SNX29: variants seen among roughly 807,000 people sequenced by gnomAD.
SNX29 encodes sorting nexin 29.
SNX29 carries 78 observed loss-of-function variants against 102.1 expected under a neutral mutation model. The observed-to-expected ratio is 0.76, with a 90% CI of 0.64 to 0.92. The LOEUF (loss-of-function observed/expected upper bound fraction) is 0.92. Among genes scored for constraint, SNX29 ranks in the 40% least tolerant of loss-of-function variants. The probability of loss-of-function intolerance (pLI) is 0.00; values close to 1 mark genes in which losing one functional copy is unlikely to be tolerated. For missense variants in SNX29, 1,280 were observed against 1,061.7 expected (o/e 1.21, Z -2.86); for synonymous variants, 580 against 414.5 (o/e 1.40, Z -4.85).
At chr16:12,488,659 G>C (rs1567615350) in intron 19 of SNX29, among the ~76,000 whole-genome samples, 1 of 152,132 alleles carries the variant, frequency 6.6e-6, no homozygotes, top group Non-Finnish European at 1.5e-5. Flanking sequence ...TCACTTCCAG[G>C]ACACTGTCAT....
chr16:12,154,575 G>A (rs1447126777), intron 13 of SNX29, among the ~76,000 whole-genome samples: 1 of 152,192 alleles, frequency 6.6e-6, no homozygotes, highest in East Asian at 1.9e-4. Flanking sequence ...TCATCCTCAG[G>A]CCTGAACTCT....
At position 12,572,734 on chromosome 16, in the gene SNX29, G is replaced by C; in HGVS notation, c.*4105G>C. The C allele has an allele frequency of 9.4e-7, 1 of 1,064,014 alleles. No individual in the cohort carries two copies. 65.9% of individuals were successfully genotyped at this position (1,064,014 alleles called of 1,614,324 possible). ...GCCTTGGCACAGAACTGATGGCAAA[G>C]GAAGGGCTGGGTTTTCAGCTTCTGG... On this transcript the variant is annotated 3_prime_UTR_variant, in exon 21 of 21. Transcript: ENST00000566228.
chr16:12,204,728 A>G (rs2077002739), intron 14 of SNX29, among the ~76,000 whole-genome samples: 1 of 152,244 alleles, frequency 6.6e-6, no homozygotes, highest in African/African-American at 2.4e-5. Context: ...AAAATTGGGA[A>G]GTCATCAGCC....
intron 20 of SNX29, among the ~76,000 whole-genome samples, chr16:12,538,193 G>T (rs569563144): frequency 6.6e-6 from 1 of 152,056 alleles, no homozygotes; most frequent in Non-Finnish European, 1.5e-5. Context: ...TAGGCTCACC[G>T]CAAGCTCTGT....
chr16:12,389,458 TCTC>T (rs1256441467), intron 16 of SNX29, among the ~76,000 whole-genome samples: 2 of 152,058 alleles, frequency 1.3e-5, no homozygotes, highest in Non-Finnish European at 2.9e-5. Flanking sequence ...TGGCTCTCAT[TCTC>T]CTGCCTGCCA....
At chr16:12,351,379 G>C (rs2081988300) in intron 15 of SNX29, among the ~76,000 whole-genome samples, 1 of 146,454 alleles carries the variant, frequency 6.8e-6, no homozygotes, top group Non-Finnish European at 1.5e-5. Context: ...CAGATTCTAA[G>C]GCATCGAAGT....
Position 12,569,458 on chromosome 16 carries a change from G to C in SNX29, c.*829G>C. On this transcript the variant is annotated 3_prime_UTR_variant, in exon 21 of 21. Transcript: ENST00000566228. ...AAAGTAGCATTGGCCCTACAGTCATGAGAGACTTGGGTCAGGGAACCACTG... is the reference window on the plus strand; with the variant it reads ...AAAGTAGCATTGGCCCTACAGTCATCAGAGACTTGGGTCAGGGAACCACTG... The C allele has an allele frequency of 4.3e-6, 1 of 231,340 alleles. No individual in the cohort carries two copies. The highest frequency in any genetic ancestry group is 8.6e-6 in the Non-Finnish European group (1 of 116,876). The allele number at this position is 231,340 out of a possible 1,614,324, so 14.3% of individuals were successfully genotyped here. A position where few individuals can be genotyped will look rare whatever the true frequency, so the allele number is the denominator to read the frequency against.
chr16:12,537,020 C>T (rs190333196), intron 20 of SNX29, among the ~76,000 whole-genome samples: 316 of 152,128 alleles, frequency 2.1e-3, no homozygotes, highest in African/African-American at 5.4e-3. Flanking sequence ...GCATGGGGGC[C>T]GGGGGAGCAC....
intron 16 of SNX29, among the ~76,000 whole-genome samples, chr16:12,365,622 G>C (rs895966074): frequency 6.6e-6 from 1 of 151,538 alleles, no homozygotes; most frequent in Non-Finnish European, 1.5e-5. Context: ...CCCGGGTGGC[G>C]GAGGTTGCAA....
chr16:12,490,112 G>C (rs2088470205), intron 19 of SNX29, among the ~76,000 whole-genome samples: 1 of 151,908 alleles, frequency 6.6e-6, no homozygotes, highest in African/African-American at 2.4e-5. Context: ...GGGCTTTTTT[G>C]GCTGTTTTTT....
At chr16:12,357,658 C>T (rs1030133614) in intron 16 of SNX29, among the ~76,000 whole-genome samples, 1 of 152,240 alleles carries the variant, frequency 6.6e-6, no homozygotes, top group Non-Finnish European at 1.5e-5. Flanking sequence ...TTTCCATCTT[C>T]CCCGACTGAA....
In SNX29 at chr16:12,107,073, G is replaced by A. The variant is rs570903261; in HGVS notation, c.1403-19560G>A. ...GCTAAAGCAATCCTCCCTCCTCGGC[G>A]TCCCAGAGTGCTGGGATTCCAGGTG... On this transcript the variant is annotated intron_variant, in intron 11 of 20. Coordinates refer to ENST00000566228, the MANE Select transcript of SNX29 (RefSeq NM_032167.5). 1.2e-4 allele frequency among the ~76,000 whole-genome samples: 18 copies of A among 152,278 alleles called. 1 individual carries two copies. The South Asian group carries it at 2.7e-3, about 23-fold the overall frequency.
intron 10 of SNX29, among the ~76,000 whole-genome samples, chr16:12,072,239 T>G (rs2051333699): frequency 6.6e-6 from 1 of 152,242 alleles, no homozygotes; most frequent in Non-Finnish European, 1.5e-5. Context: ...CATCCCTGTC[T>G]TGTGCCAGTT....
At chr16:12,043,703 A>G (rs925568679) in intron 5 of SNX29, among the ~76,000 whole-genome samples, 6 of 151,824 alleles carry the variant, frequency 4.0e-5, no homozygotes, top group Admixed American at 1.3e-4. Flanking sequence ...CCCAAACTGA[A>G]AAAAACATGG....
chr16:12,332,527 G>C (rs1042446040), intron 15 of SNX29, among the ~76,000 whole-genome samples: 1 of 152,124 alleles, frequency 6.6e-6, no homozygotes. Flanking sequence ...CCCCGTCCTC[G>C]TCATATTGAA....
At chr16:12,147,573 A>G (rs1027825524) in intron 13 of SNX29, among the ~76,000 whole-genome samples, 2 of 152,164 alleles carry the variant, frequency 1.3e-5, no homozygotes, top group African/African-American at 2.4e-5. Context: ...TGTGGCCACT[A>G]AGTAAATGCT....
chr16:12,449,262 G>A (rs577449231), intron 18 of SNX29, among the ~76,000 whole-genome samples: 68 of 152,104 alleles, frequency 4.5e-4, no homozygotes, highest in African/African-American at 1.4e-3. Context: ...AGGGAAGGAT[G>A]TTGCAGGGTG....
At chr16:12,095,509 T>A (rs1466484812) in intron 11 of SNX29, among the ~76,000 whole-genome samples, 1 of 152,286 alleles carries the variant, frequency 6.6e-6, no homozygotes, top group East Asian at 1.9e-4. Context: ...TCTTTTCTAG[T>A]TGAAAAACAT....
chr16:12,223,025 C>T (rs1360399134), intron 14 of SNX29, among the ~76,000 whole-genome samples: 1 of 152,134 alleles, frequency 6.6e-6, no homozygotes, highest in Non-Finnish European at 1.5e-5. Context: ...TCTTTGGATT[C>T]TAAATTTGGG....
Sources: gnomAD v4.1 joint callset for allele counts (sites outside exome capture counted in the v4.1 genomes callset) on GRCh38, gnomAD v4.1.1 for gene constraint, MANE v1.5 for transcripts, NCBI Gene and HGNC (gene_info 2026-07-23, HGNC 2026-07-21) for gene names.